Variants in VPS13B observed in about 807,000 individuals in gnomAD.
VPS13B encodes vacuolar protein sorting 13 homolog B, also known as intermembrane lipid transfer protein VPS13B.
VPS13B carries 285 observed loss-of-function variants against 426.4 expected under a neutral mutation model. That is an observed-to-expected ratio of 0.67 (90% confidence interval 0.61 to 0.74). The LOEUF is 0.74. Ranked by LOEUF, VPS13B falls within the 30% of genes least tolerant of loss-of-function variation. The pLI is 0.00. For synonymous variants in VPS13B, 1,676 were observed against 1,676.4 expected (o/e 1.00, Z 0.01); for missense variants, 4,537 against 4,782.6 (o/e 0.95, Z 1.51).
At chr8:99,100,861 T>C in intron 4 of VPS13B, among the ~76,000 whole-genome samples, 1 of 151,576 alleles carries the variant, frequency 6.6e-6, no homozygotes, top group East Asian at 2.0e-4. Flanking sequence ...ACCAACATGG[T>C]GAAACCCCAT....
intron 19 of VPS13B, among the ~76,000 whole-genome samples, chr8:99,381,522 A>G (rs562236877): frequency 6.6e-6 from 1 of 152,330 alleles, no homozygotes; most frequent in Admixed American, 6.5e-5. Flanking sequence ...ACTTCCACCA[A>G]CAGTGTATAA....
chr8:99,843,137 G>A (rs916692073), intron 54 of VPS13B, among the ~76,000 whole-genome samples: 8 of 152,194 alleles, frequency 5.3e-5, no homozygotes, highest in Non-Finnish European at 1.2e-4. Context: ...CTGGGTAACA[G>A]AGTGAGACTG....
intron 17 of VPS13B, among the ~76,000 whole-genome samples, chr8:99,211,499 G>C (rs1815087425): frequency 6.6e-6 from 1 of 152,166 alleles, no homozygotes; most frequent in Non-Finnish European, 1.5e-5. Flanking sequence ...CTTCTTGGTA[G>C]ATTTAGACAA....
intron 17 of VPS13B, among the ~76,000 whole-genome samples, chr8:99,250,754 A>G (rs1817464342): frequency 7.7e-6 from 1 of 129,920 alleles, no homozygotes; most frequent in African/African-American, 3.0e-5. Flanking sequence ...GCACAATCAT[A>G]GCTCATTGTA....
At chr8:99,089,206 C>T (rs1163526660) in intron 3 of VPS13B, among the ~76,000 whole-genome samples, 2 of 151,992 alleles carry the variant, frequency 1.3e-5, no homozygotes, top group African/African-American at 2.4e-5. Flanking sequence ...TTCATAGAGT[C>T]GATTAGGAGG....
chr8:99,327,832 A>G (rs974373050), intron 19 of VPS13B, among the ~76,000 whole-genome samples: 2 of 152,212 alleles, frequency 1.3e-5, no homozygotes, highest in African/African-American at 4.8e-5. Context: ...TCTATGGTTA[A>G]CATTTCTTAT....
chr8:99,661,476 T>G lies in VPS13B; in HGVS notation c.6031T>G (p.Phe2011Val), dbSNP rs534890892. ...PSFITLQIKD[F>V]LNGPADVNLD... ...CTTTATAACACTACAGATTAAAGAC[T>G]TTCTGAATGGACCAGGTAAGAAAGT... Residue 2011 changes from phenylalanine (F) to valine (V), a missense_variant, in exon 35 of 62, where the codon TTT becomes GTT. By Grantham distance (50) the Phe-to-Val change is conservative. Transcript: ENST00000357162. 3.8e-5 allele frequency: 61 copies of G among 1,613,234 alleles called. No homozygotes were observed. Among genetic ancestry groups the G allele is most frequent in the Admixed American group, 1.0e-4 (6 of 59,936 alleles).
chr8:99,683,791 G>A (rs1667634), intron 35 of VPS13B, among the ~76,000 whole-genome samples: 22,666 of 152,066 alleles, frequency 0.15, 2,208 homozygotes, highest in East Asian at 0.4. Flanking sequence ...GGACAATTAC[G>A]TCATCTGCAA....
intron 23 of VPS13B, among the ~76,000 whole-genome samples, chr8:99,460,337 G>A (rs1243218343): frequency 6.6e-6 from 1 of 151,854 alleles, no homozygotes; most frequent in East Asian, 1.9e-4. Context: ...ATTAATTCTG[G>A]TAAATTATGG....
chr8:99,742,399 A>C (rs1809790073), intron 39 of VPS13B, among the ~76,000 whole-genome samples: 1 of 152,216 alleles, frequency 6.6e-6, no homozygotes, highest in South Asian at 2.1e-4. Context: ...CAGAGGTACA[A>C]GGAGGAGCTG....
chr8:99,490,408 G>A (rs1016381008), intron 25 of VPS13B, among the ~76,000 whole-genome samples: 1 of 152,124 alleles, frequency 6.6e-6, no homozygotes, highest in South Asian at 2.1e-4. Context: ...GGCTGATGCT[G>A]GCCTTATAAA....
intron 36 of VPS13B, among the ~76,000 whole-genome samples, chr8:99,702,784 A>G (rs116604945): frequency 1.7e-3 from 260 of 152,260 alleles, no homozygotes; most frequent in African/African-American, 5.5e-3. Flanking sequence ...TTAGTGAAGT[A>G]TTTTTTTAAC....
chr8:99,183,558 G>A (rs907573457), intron 16 of VPS13B, among the ~76,000 whole-genome samples: 2 of 152,106 alleles, frequency 1.3e-5, no homozygotes, highest in African/African-American at 2.4e-5. Flanking sequence ...GTATTATTGT[G>A]TAGCATCGAA....
At chr8:99,765,849 A>G (rs961296357) in intron 39 of VPS13B, among the ~76,000 whole-genome samples, 9 of 152,164 alleles carry the variant, frequency 5.9e-5, no homozygotes. Flanking sequence ...CATGCCATAC[A>G]TACAAAAGTC....
intron 24 of VPS13B, among the ~76,000 whole-genome samples, chr8:99,468,258 G>T (rs968184707): frequency 1.3e-5 from 2 of 151,946 alleles, no homozygotes; most frequent in African/African-American, 2.4e-5. Flanking sequence ...TTGGTTTTCT[G>T]TCCTTGCAAT....
intron 24 of VPS13B, among the ~76,000 whole-genome samples, chr8:99,469,463 A>C (rs925973108): frequency 6.6e-6 from 1 of 152,046 alleles, no homozygotes; most frequent in Non-Finnish European, 1.5e-5. Context: ...TGGTGTGAGC[A>C]CCATGCCATA....
At chr8:99,073,436 T>C (rs530883373) in intron 3 of VPS13B, among the ~76,000 whole-genome samples, 13 of 152,264 alleles carry the variant, frequency 8.5e-5, no homozygotes, top group African/African-American at 2.9e-4. Context: ...TGTAGAGTTA[T>C]TTTTTACCTT....
At chr8:99,144,608 C>T (rs931964902) in intron 13 of VPS13B, among the ~76,000 whole-genome samples, 8 of 151,790 alleles carry the variant, frequency 5.3e-5, no homozygotes, top group African/African-American at 1.9e-4. Flanking sequence ...AATGATTGTT[C>T]TGAGCACTAA....
chr8:99,710,495 G>A (rs1318984806), intron 36 of VPS13B, among the ~76,000 whole-genome samples: 1 of 152,046 alleles, frequency 6.6e-6, no homozygotes, highest in Admixed American at 6.6e-5. Flanking sequence ...AAGATATTTA[G>A]TATGTTTCCT....
Sources: allele counts gnomAD v4.1 joint callset (sites outside exome capture counted in the v4.1 genomes callset), GRCh38; gene constraint gnomAD v4.1.1; transcripts MANE v1.5; gene names NCBI Gene and HGNC (gene_info 2026-07-23, HGNC 2026-07-21).